The following AHDC1 variants were observed in gnomAD, a reference collection of about 807,000 sequenced individuals.
AHDC1 encodes transcription factor Gibbin.
Under a neutral mutation model 87.9 loss-of-function variants are expected in AHDC1, and 7 were observed. The observed-to-expected ratio is 0.08, with a 90% confidence interval of 0.05 to 0.15. The LOEUF (loss-of-function observed/expected upper bound fraction) is 0.15. Ranked by LOEUF, AHDC1 falls within the 10% of genes least tolerant of loss-of-function variation. The pLI is 1.00. For synonymous variants in AHDC1, 1,051 were observed against 1,006.8 expected, an observed-to-expected ratio of 1.04 and a Z score of -0.83; for missense variants, 1,841 against 2,253.2, an observed-to-expected ratio of 0.82 and a Z score of 3.70.
chr1:27,552,163 G>A lies in AHDC1; in HGVS notation c.-48C>T, dbSNP rs2019609351. 1 of 1,432,390 alleles carries A rather than the reference G, an allele frequency of 7.0e-7. No homozygotes were observed. The allele number at this position is 1,432,390 out of a possible 1,614,324, so 88.7% of individuals were successfully genotyped here. A position where few individuals can be genotyped will look rare whatever the true frequency, so the allele number is the denominator to read the frequency against. ...CGCCGGGCGGGGCCGGGGCTGACAT[G>A]AGGGTGCGAGAAGCCGGGACCAGGA... On this transcript the variant is annotated 5_prime_UTR_variant, in exon 8 of 9. Coordinates refer to ENST00000673934, the MANE Select transcript of AHDC1 (RefSeq NM_001371928.1).
chr1:27,591,297 C>G (rs1049288279), intron 3 of AHDC1, among the ~76,000 whole-genome samples: 8 of 152,234 alleles, frequency 5.3e-5, no homozygotes, highest in Non-Finnish European at 1.0e-4. Flanking sequence ...GTAGCCTCCC[C>G]GCTCTGGCAC....
At chr1:27,566,384 CA>C (rs1321594571) in intron 3 of AHDC1, among the ~76,000 whole-genome samples, 1 of 151,004 alleles carries the variant, frequency 6.6e-6, no homozygotes, top group Admixed American at 6.6e-5. Flanking sequence ...GAGAGAGAGA[CA>C]AGGAGAAAGA....
chr1:27,545,453 A>G (rs2019120747), intron 8 of AHDC1, among the ~76,000 whole-genome samples: 3 of 152,080 alleles, frequency 2.0e-5, no homozygotes, highest in South Asian at 4.2e-4. Flanking sequence ...GGGTGGTTCC[A>G]TTATGTACTT....
At position 27,561,354 on chromosome 1, in the gene AHDC1, A is replaced by G. The variant is rs954647610; in HGVS notation, c.-628-2471T>C. Among the ~76,000 whole-genome samples the G allele has an allele frequency of 1.4e-5, 2 of 147,300 alleles. No homozygotes were observed. The highest frequency in any genetic ancestry group is 1.5e-5 in the Non-Finnish European group (1 of 66,048). On this transcript the variant is annotated intron_variant, in intron 3 of 8. Transcript: ENST00000673934. The surrounding 1 kb of genome is among the most constrained non-coding windows in gnomAD (Gnocchi z 4.2). Reference sequence around the variant, plus strand: ...GCCTGGCCCTGAGTGTTGGGGGGGAACTTCAGGAGCAAAGCTGCCCTTAGC... The same window carrying G: ...GCCTGGCCCTGAGTGTTGGGGGGGAGCTTCAGGAGCAAAGCTGCCCTTAGC...
rs111689964 is a variant in AHDC1, at chr1:27,560,529, C to T, written c.-628-1646G>A. The stretch of plus-strand genomic sequence containing the variant: ...GTGGATCAGTGTTGCCTCCCTCCCA[C>T]CTCTGCCTTTCTCTGGGTTTTCAGG... On this transcript the variant is annotated intron_variant, in intron 3 of 8. Transcript: ENST00000673934. The surrounding 1 kb of genome is among the most constrained non-coding windows in gnomAD (Gnocchi z 4.1). 1.5e-4 allele frequency among the ~76,000 whole-genome samples: 23 copies of T among 152,168 alleles called. 1 individual carries two copies. The highest frequency in any genetic ancestry group is 5.3e-4 in the African/African-American group (22 of 41,506).
intron 3 of AHDC1, among the ~76,000 whole-genome samples, chr1:27,597,166 G>T (rs1010582370): frequency 6.6e-6 from 1 of 152,180 alleles, no homozygotes; most frequent in Non-Finnish European, 1.5e-5. Context: ...AGGTGGCAGG[G>T]GGAGGTTCTG....
At chr1:27,570,917 C>A (rs1294851543) in intron 3 of AHDC1, among the ~76,000 whole-genome samples, 2 of 152,002 alleles carry the variant, frequency 1.3e-5, no homozygotes, top group African/African-American at 4.8e-5. Context: ...CCCTCCTGGG[C>A]AGGAATGTGA....
At position 27,550,932 on chromosome 1, in the gene AHDC1, C is replaced by T. The variant is rs753277572; in HGVS notation, c.1184G>A (p.Arg395His). The T allele has an allele frequency of 5.0e-6, 8 of 1,598,490 alleles. No individual in the cohort carries two copies. Among genetic ancestry groups the T allele is most frequent in the East Asian group, 2.2e-5 (1 of 44,714 alleles). ...GCGTCCCCGTCCGGCTTTCCGCCGG[C>T]GACACAGGATCTTTGGCCTATCAGT... ...RRTDRPKILCRRRKAGRGRKA... is the reference protein window; with the variant it reads ...RRTDRPKILCHRRKAGRGRKA... The change falls in exon 8 of 9, where the codon CGC (arginine) becomes CAC (histidine). Residue 395 changes from arginine to histidine, a missense_variant. Coordinates refer to ENST00000673934, the MANE Select transcript of AHDC1 (RefSeq NM_001371928.1).
At chr1:27,579,245 A>G (rs528241717) in intron 3 of AHDC1, among the ~76,000 whole-genome samples, 16 of 152,212 alleles carry the variant, frequency 1.1e-4, no homozygotes, top group Middle Eastern at 3.4e-3. Flanking sequence ...TACGTTGCCC[A>G]GGCTGGTGTT....
intron 3 of AHDC1, among the ~76,000 whole-genome samples, chr1:27,577,338 G>T (rs1292481054): frequency 6.6e-6 from 1 of 152,218 alleles, no homozygotes. Flanking sequence ...AGCTCCTGCC[G>T]TGCGGCAGCT....
At position 27,562,865 on chromosome 1, in the gene AHDC1, C is replaced by T. The variant is rs776120696; in HGVS notation, c.-628-3982G>A. ...TGCCACTCCCCACAACAGCCTGCGA[C>T]GGGCACATGGTGACATCTCACACAC... On this transcript the variant is annotated intron_variant, in intron 3 of 8. Coordinates refer to ENST00000673934, the MANE Select transcript of AHDC1 (RefSeq NM_001371928.1). This position sits in a 1 kb window ranked among gnomAD's most constrained non-coding sequence, Gnocchi z 4.4. Among the ~76,000 whole-genome samples, 7 of 152,302 alleles carry T rather than the reference C, an allele frequency of 4.6e-5. No homozygotes were observed. The highest frequency in any genetic ancestry group is 7.4e-5 in the Non-Finnish European group (5 of 68,024).
chr1:27,577,863 C>T (rs942994065), intron 3 of AHDC1, among the ~76,000 whole-genome samples: 2 of 152,192 alleles, frequency 1.3e-5, no homozygotes, highest in African/African-American at 2.4e-5. Flanking sequence ...ATACTGAATA[C>T]CCTGAGAGGC....
intron 8 of AHDC1, among the ~76,000 whole-genome samples, chr1:27,544,798 G>A (rs572980515): frequency 1.3e-5 from 2 of 152,346 alleles, no homozygotes; most frequent in East Asian, 3.9e-4. Flanking sequence ...TGCATGTGTG[G>A]ACTACTGCAG....
chr1:27,587,880 A>G (rs1163746201), intron 3 of AHDC1, among the ~76,000 whole-genome samples: 1 of 152,092 alleles, frequency 6.6e-6, no homozygotes, highest in Non-Finnish European at 1.5e-5. Flanking sequence ...CTGGAACCCC[A>G]CTGATCCTTA....
At chr1:27,596,218 C>T (rs1237819857) in intron 3 of AHDC1, among the ~76,000 whole-genome samples, 1 of 152,066 alleles carries the variant, frequency 6.6e-6, no homozygotes, top group African/African-American at 2.4e-5. Context: ...CAGCCTGTGC[C>T]CAGGCCCAAG....
At chr1:27,602,979 C>T (rs1337504049) in intron 3 of AHDC1, among the ~76,000 whole-genome samples, 1 of 143,058 alleles carries the variant, frequency 7.0e-6, no homozygotes, top group African/African-American at 2.7e-5. Context: ...CACGGTCCCC[C>T]CTTCATTCCC....
Position 27,560,976 on chromosome 1 carries a change from C to G in AHDC1, c.-628-2093G>C, listed in dbSNP as rs542100465. ...TCTCCCTCCCTTCCTCTCTCTCTCT[C>G]TCTGTAGGAGCCAGACAACTCCCCA... On this transcript the variant is annotated intron_variant, in intron 3 of 8. Coordinates refer to ENST00000673934, the MANE Select transcript of AHDC1 (RefSeq NM_001371928.1). The surrounding 1 kb of genome is among the most constrained non-coding windows in gnomAD (Gnocchi z 4.1). Among the ~76,000 whole-genome samples the G allele has an allele frequency of 2.0e-5, 3 of 152,216 alleles. No homozygotes were observed. The East Asian group carries it at 5.8e-4, about 29-fold the overall frequency.
chr1:27,597,812 T>G (rs2089418635), intron 3 of AHDC1, among the ~76,000 whole-genome samples: 1 of 152,096 alleles, frequency 6.6e-6, no homozygotes, highest in Admixed American at 6.5e-5. Flanking sequence ...CCCCTTTCTT[T>G]ATCTCTTCCT....
In AHDC1 at chr1:27,550,929, C is replaced by G; in HGVS notation, c.1187G>C (p.Arg396Pro). 1 of 1,598,360 alleles carries G rather than the reference C, an allele frequency of 6.3e-7. No homozygotes were observed. The highest frequency in any genetic ancestry group is 8.5e-7 in the Non-Finnish European group (1 of 1,178,042). The change falls in exon 8 of 9, where the codon CGG becomes CCG. Residue 396 changes from arginine to proline, a missense_variant. Physicochemically the swap from Arg to Pro is moderately radical, Grantham distance 103 (BLOSUM62 -2). Transcript: ENST00000673934. The stretch of plus-strand genomic sequence containing the variant: ...CTTGCGTCCCCGTCCGGCTTTCCGC[C>G]GGCGACACAGGATCTTTGGCCTATC... ...RTDRPKILCRRRKAGRGRKAD... is the reference protein window; with the variant it reads ...RTDRPKILCRPRKAGRGRKAD...
Sources: allele counts gnomAD v4.1 joint callset (sites outside exome capture counted in the v4.1 genomes callset), GRCh38; gene constraint gnomAD v4.1.1; non-coding constraint Gnocchi (gnomAD v3.1); transcripts MANE v1.5; gene names NCBI Gene and HGNC (gene_info 2026-07-23, HGNC 2026-07-21).